ARFGAP3: variants seen among roughly 807,000 people sequenced by gnomAD.
ARFGAP3 encodes the protein ADP-ribosylation factor GTPase-activating protein 3.
Under a neutral mutation model 75.0 loss-of-function variants are expected in ARFGAP3, and 72 were observed. The ratio of observed to expected loss-of-function variants is 0.96; its 90% CI spans 0.79 to 1.17. ARFGAP3 has a LOEUF of 1.17. ARFGAP3 is among the 50% of genes most tolerant of loss of function. The pLI is 0.00. For missense variants in ARFGAP3, 620 were observed against 626.6 expected (o/e 0.99, Z 0.11); for synonymous variants, 221 against 217.9 (o/e 1.01, Z -0.13).
chr22:42,810,991 A>T, intron 11 of ARFGAP3, 47 bp from the exon 12 acceptor site: 1 of 1,599,774 alleles, frequency 6.3e-7, no homozygotes, highest in Non-Finnish European at 8.5e-7. Context: ...CCTTGTTGAC[A>T]CTCGTCCTGG....
chr22:42,832,067 G>C (rs1239747673), intron 5 of ARFGAP3, among the ~76,000 whole-genome samples: 2 of 151,584 alleles, frequency 1.3e-5, no homozygotes, highest in Admixed American at 6.6e-5. Flanking sequence ...ACAGGCATGA[G>C]CCAACATGCC....
intron 2 of ARFGAP3, among the ~76,000 whole-genome samples, chr22:42,842,011 C>CTTTTTTTTTTTTTTTTTTTTTTTT (rs55825441): frequency 4.4e-5 from 4 of 91,252 alleles, no homozygotes; most frequent in Non-Finnish European, 8.1e-5. Context: ...CCATGCCGGG[C>CTTTTTTTTTTTTTTTTTTTTTTTT]TTTTTTTTTT....
intron 14 of ARFGAP3, among the ~76,000 whole-genome samples, chr22:42,803,578 G>T (rs982674149): frequency 5.3e-5 from 8 of 152,200 alleles, no homozygotes; most frequent in Admixed American, 1.3e-4. Context: ...CTGTCATCTG[G>T]TGTCTGAGTG....
chr22:42,830,916 T>TC (rs970390828), intron 6 of ARFGAP3, among the ~76,000 whole-genome samples: 26 of 152,236 alleles, frequency 1.7e-4, no homozygotes, highest in Admixed American at 1.3e-4. Flanking sequence ...GGTATGTTTT[T>TC]CTTTTTTTAC....
chr22:42,816,431 G>A (rs78647462), intron 11 of ARFGAP3, among the ~76,000 whole-genome samples: 1,583 of 151,328 alleles, frequency 0.01, 10 homozygotes, highest in Non-Finnish European at 0.015. Context: ...TTCCTGAGCT[G>A]TGCCCTCTCC....
chr22:42,808,647 G>C, intron 13 of ARFGAP3, 120 bp downstream of exon 13: 1 of 767,464 alleles, frequency 1.3e-6, no homozygotes, highest in Non-Finnish European at 2.1e-6. Flanking sequence ...AGCACTTTCA[G>C]GCCAGAGGGC....
chr22:42,855,676 C>T (rs1019214130), intron 1 of ARFGAP3, among the ~76,000 whole-genome samples: 1 of 149,408 alleles, frequency 6.7e-6, no homozygotes, highest in African/African-American at 2.5e-5. Flanking sequence ...GAGCAAGGCT[C>T]TGTCTCAAAA....
At chr22:42,811,743 C>G (rs1302487402) in intron 11 of ARFGAP3, among the ~76,000 whole-genome samples, 4 of 152,212 alleles carry the variant, frequency 2.6e-5, no homozygotes, top group Non-Finnish European at 5.9e-5. Context: ...CTGAGCAGGG[C>G]ATTGCTCAGA....
intron 12 of ARFGAP3, among the ~76,000 whole-genome samples, chr22:42,810,187 G>A (rs939939128): frequency 2.6e-5 from 4 of 151,924 alleles, no homozygotes; most frequent in Admixed American, 1.3e-4. Flanking sequence ...ATCAAAACAG[G>A]CTGGGCACGG....
chr22:42,854,075 C>A (rs1927395229), intron 1 of ARFGAP3, among the ~76,000 whole-genome samples: 1 of 152,184 alleles, frequency 6.6e-6, no homozygotes, highest in Non-Finnish European at 1.5e-5. Flanking sequence ...GTTCCCAGAG[C>A]CACTCTTCCC....
chr22:42,815,139 C>T (rs777175068), intron 11 of ARFGAP3, among the ~76,000 whole-genome samples: 27 of 152,224 alleles, frequency 1.8e-4, no homozygotes, highest in East Asian at 3.8e-4. Flanking sequence ...AATACAGACC[C>T]GTACTGCCAA....
chr22:42,820,288 G>A (rs985443119), intron 9 of ARFGAP3, among the ~76,000 whole-genome samples: 2 of 152,182 alleles, frequency 1.3e-5, no homozygotes, highest in African/African-American at 4.8e-5. Context: ...AGAAATTAAA[G>A]TCTGTGACAA....
chr22:42,808,702 A>G (rs949788949), intron 13 of ARFGAP3, 65 bp downstream of exon 13: 19 of 1,375,904 alleles, frequency 1.4e-5, no homozygotes, highest in Non-Finnish European at 1.9e-5. Context: ...CCTCCCCGAC[A>G]ATGCCCACAC....
At chr22:42,837,646 A>T (rs1345248579) in intron 3 of ARFGAP3, among the ~76,000 whole-genome samples, 1 of 147,302 alleles carries the variant, frequency 6.8e-6, no homozygotes, top group Non-Finnish European at 1.5e-5. Flanking sequence ...AAAACCAAAA[A>T]AAAGCCTTGA....
chr22:42,834,187 T>C, intron 5 of ARFGAP3, 55 bp downstream of exon 5: 1 of 1,521,848 alleles, frequency 6.6e-7, no homozygotes. Context: ...ATATGCACCT[T>C]TTGTTAACTG....
intron 5 of ARFGAP3, among the ~76,000 whole-genome samples, chr22:42,833,744 G>A (rs755244294): frequency 5.9e-5 from 9 of 151,418 alleles, no homozygotes; most frequent in Non-Finnish European, 1.3e-4. Flanking sequence ...TGACAAGAGC[G>A]AAACTCCATC....
intron 1 of ARFGAP3, among the ~76,000 whole-genome samples, chr22:42,850,947 G>A (rs1739254963): frequency 6.6e-6 from 1 of 152,226 alleles, no homozygotes; most frequent in African/African-American, 2.4e-5. Context: ...CTGAGAAGTG[G>A]GGAAGACAGA....
chr22:42,829,342 C>T (rs1926183568), intron 6 of ARFGAP3, among the ~76,000 whole-genome samples: 1 of 152,122 alleles, frequency 6.6e-6, no homozygotes, highest in African/African-American at 2.4e-5. Flanking sequence ...AAAGCTGAAC[C>T]CCAACAAAGA....
In ARFGAP3 at chr22:42,822,426, A is replaced by T; in HGVS notation, c.673-17T>A. 6.2e-7 allele frequency: 1 copy of T among 1,610,800 alleles called. No individual in the cohort carries two copies. Among genetic ancestry groups the T allele is most frequent in the Non-Finnish European group, 8.5e-7 (1 of 1,178,744 alleles). ...GGCCCCAAGCTAGAACATATATAAG[A>T]CTATAGTCTACACGAGCTGTTTGAA... On this transcript the variant is annotated splice_polypyrimidine_tract_variant and intron_variant, in intron 8 of 15. Transcript: ENST00000263245.
Sources: allele counts gnomAD v4.1 joint callset (sites outside exome capture counted in the v4.1 genomes callset), GRCh38; gene constraint gnomAD v4.1.1; transcripts MANE v1.5; gene names NCBI Gene and HGNC (gene_info 2026-07-23, HGNC 2026-07-21).